The following ANXA8 variants were observed in gnomAD, a reference collection of about 807,000 sequenced individuals.
ANXA8 encodes the protein VAC-beta.
In ANXA8, 9 loss-of-function variants were observed where a neutral mutation model predicts 26.8. The observed-to-expected ratio is 0.34, with a 90% CI of 0.20 to 0.59. The LOEUF (loss-of-function observed/expected upper bound fraction) is 0.59. Ranked by LOEUF, ANXA8 falls within the 20% of genes least tolerant of loss-of-function variation. The pLI, the probability that ANXA8 is intolerant of heterozygous loss-of-function variation, is 0.84. For missense variants in ANXA8, 83 were observed against 238.5 expected (o/e 0.35, Z 4.29); for synonymous variants, 39 against 94.8 (o/e 0.41, Z 3.42).
the ANXA8 span, among the ~76,000 whole-genome samples, chr10:47,566,372 C>A: frequency 6.7e-6 from 1 of 149,536 alleles, no homozygotes. Context: ...GAACTTTTTA[C>A]ACAAGAGAAA....
At chr10:47,624,119 G>A in the ANXA8 span, among the ~76,000 whole-genome samples, 1 of 103,946 alleles carries the variant, frequency 9.6e-6, no homozygotes, top group Non-Finnish European at 2.0e-5. Context: ...GCAGGCGCCT[G>A]TAGTCCCAGC....
At chr10:47,767,707 C>A in the ANXA8 span, among the ~76,000 whole-genome samples, 1 of 151,726 alleles carries the variant, frequency 6.6e-6, no homozygotes, top group Non-Finnish European at 1.5e-5. Flanking sequence ...GTGACGCCAC[C>A]CCCTGCCCCC....
At chr10:47,650,401 C>A in the ANXA8 span, among the ~76,000 whole-genome samples, 1 of 150,918 alleles carries the variant, frequency 6.6e-6, no homozygotes, top group Admixed American at 6.6e-5. Flanking sequence ...GAAAAGACAA[C>A]CTACAGAATG....
At chr10:47,638,041 CAAATTTTGTACTCA>C in the ANXA8 span, among the ~76,000 whole-genome samples, 17 of 148,362 alleles carry the variant, frequency 1.1e-4, no homozygotes, top group Middle Eastern at 3.4e-3. Context: ...TTTTGTGAAG[CAAATTTTGTACTCA>C]AACAGAAAAT....
chr10:47,713,002 CA>C, the ANXA8 span, among the ~76,000 whole-genome samples: 1 of 152,296 alleles, frequency 6.6e-6, no homozygotes, highest in Non-Finnish European at 1.5e-5. Flanking sequence ...CCATGTTGGC[CA>C]GGCTGGTCTC....
chr10:47,490,160 C>CT, the ANXA8 span: 1 of 189,654 alleles, frequency 5.3e-6, no homozygotes, highest in African/African-American at 2.4e-5. Flanking sequence ...GACCAGGTCT[C>CT]TCAAAGCAAT....
chr10:47,947,730 C>A, the ANXA8 span, among the ~76,000 whole-genome samples: 1 of 150,600 alleles, frequency 6.6e-6, no homozygotes, highest in African/African-American at 2.5e-5. Flanking sequence ...TCCTGTACAG[C>A]CTGTGGAACT....
At chr10:47,492,322 A>C in the ANXA8 span, among the ~76,000 whole-genome samples, 1 of 147,654 alleles carries the variant, frequency 6.8e-6, no homozygotes, top group Non-Finnish European at 1.5e-5. Context: ...GGTGTCGCTC[A>C]GCTGATGCTC....
the ANXA8 span, chr10:47,501,709 A>G: frequency 2.4e-5 from 8 of 338,622 alleles, 1 homozygote; most frequent in South Asian, 2.2e-4. Flanking sequence ...ACATCGTCCA[A>G]AAAAATAAAA....
At chr10:47,498,529 G>A in the ANXA8 span, among the ~76,000 whole-genome samples, 51 of 144,586 alleles carry the variant, frequency 3.5e-4, no homozygotes, top group African/African-American at 7.2e-4. Context: ...TGATATTGCC[G>A]GATCATTTGG....
the ANXA8 span, among the ~76,000 whole-genome samples, chr10:47,735,814 G>A: frequency 6.6e-6 from 1 of 150,832 alleles, no homozygotes; most frequent in Non-Finnish European, 1.5e-5. Context: ...GACACTTTTT[G>A]TATTTTTTGT....
chr10:47,658,099 G>A, the ANXA8 span, among the ~76,000 whole-genome samples: 10 of 151,986 alleles, frequency 6.6e-5, no homozygotes, highest in African/African-American at 9.7e-5. Flanking sequence ...GCCGGGTGCC[G>A]GTGGCTCACG....
chr10:47,779,377 A>G, the ANXA8 span, among the ~76,000 whole-genome samples: 1 of 48,042 alleles, frequency 2.1e-5, no homozygotes, highest in African/African-American at 9.1e-5. Flanking sequence ...GGGTTTCCAG[A>G]TCATCATATT....
the ANXA8 span, among the ~76,000 whole-genome samples, chr10:47,537,463 C>A: frequency 6.6e-6 from 1 of 151,138 alleles, no homozygotes; most frequent in Non-Finnish European, 1.5e-5. Flanking sequence ...ATTGTAATTC[C>A]CCTTCTTAAA....
At chr10:47,650,799 T>A in the ANXA8 span, among the ~76,000 whole-genome samples, 1 of 133,852 alleles carries the variant, frequency 7.5e-6, no homozygotes, top group Non-Finnish European at 1.6e-5. Flanking sequence ...AGAGCGAGAC[T>A]CCGTCTCAAA....
At chr10:47,672,298 T>A in the ANXA8 span, among the ~76,000 whole-genome samples, 2 of 151,252 alleles carry the variant, frequency 1.3e-5, no homozygotes, top group Non-Finnish European at 2.9e-5. Context: ...TAGCAGGATA[T>A]CAGGAAGCAC....
At chr10:47,564,486 GTGGAGGCCACTGAGCCAC>G in the ANXA8 span, 5 of 1,262,524 alleles carry the variant, frequency 4.0e-6, no homozygotes, top group Non-Finnish European at 5.6e-6. Context: ...ACGCAGCCAG[GTGGAGGCCACTGAGCCAC>G]AGGACGTGGT....
At chr10:47,632,432 A>G in the ANXA8 span, among the ~76,000 whole-genome samples, 1 of 148,740 alleles carries the variant, frequency 6.7e-6, no homozygotes, top group Non-Finnish European at 1.5e-5. Context: ...AAGAACCTAG[A>G]TCTCACTATG....
chr10:47,600,294 C>G, the ANXA8 span, among the ~76,000 whole-genome samples: 7 of 150,574 alleles, frequency 4.6e-5, no homozygotes, highest in Admixed American at 2.0e-4. Context: ...AGCAAGGCTG[C>G]GAAGCCCCGG....
Sources: gnomAD v4.1 joint callset for allele counts (sites outside exome capture counted in the v4.1 genomes callset) on GRCh38, gnomAD v4.1.1 for gene constraint, MANE v1.5 for transcripts, NCBI Gene and HGNC (gene_info 2026-07-23, HGNC 2026-07-21) for gene names.